The following GNG12 variants were observed in gnomAD, a reference collection of about 807,000 sequenced individuals.
The protein encoded by GNG12 is guanine nucleotide-binding protein G(I)/G(S)/G(O) subunit gamma-12.
For missense variants in GNG12, 69 were observed against 83.8 expected (o/e 0.82, Z 0.69); for synonymous variants, 28 against 29.7 (o/e 0.94, Z 0.19).
intron 3 of GNG12, among the ~76,000 whole-genome samples, chr1:67,706,656 CTTT>C (rs60300759): frequency 9.9e-4 from 140 of 141,236 alleles, no homozygotes; most frequent in Middle Eastern, 7.2e-3. Context: ...TCTTTTCTTT[CTTT>C]TTTTTTTTTT....
chr1:67,715,171 C>A (rs969296456), intron 2 of GNG12, among the ~76,000 whole-genome samples: 3 of 152,156 alleles, frequency 2.0e-5, no homozygotes, highest in Admixed American at 1.3e-4. Flanking sequence ...CCCGCCTCAC[C>A]CTCTCAAAGT....
At chr1:67,791,391 C>T (rs894483249) in intron 1 of GNG12, among the ~76,000 whole-genome samples, 4 of 152,074 alleles carry the variant, frequency 2.6e-5, no homozygotes, top group Middle Eastern at 6.3e-3. Flanking sequence ...GCTCTTTGAA[C>T]GTCAGACTTA....
chr1:67,820,163 C>T (rs902925401), intron 1 of GNG12, among the ~76,000 whole-genome samples: 9 of 151,280 alleles, frequency 5.9e-5, no homozygotes, highest in Non-Finnish European at 8.8e-5. Flanking sequence ...CCGAGGTGGG[C>T]GGATCATCTG....
At chr1:67,751,788 A>T (rs1412718764) in intron 2 of GNG12, among the ~76,000 whole-genome samples, 1 of 152,164 alleles carries the variant, frequency 6.6e-6, no homozygotes, top group African/African-American at 2.4e-5. Flanking sequence ...GATGCTCTAG[A>T]AGAGTCAAAC....
rs568128311 is a variant in GNG12 at position 67,733,460 on chromosome 1, T to C, written c.-26-25748A>G. Among the ~76,000 whole-genome samples the C allele has an allele frequency of 5.9e-5, 9 of 152,344 alleles. No individual in the cohort carries two copies. In the South Asian group the frequency reaches 1.7e-3, roughly 28 times the overall value. On this transcript the variant is annotated intron_variant, in intron 2 of 3. Transcript: ENST00000370982. Reference sequence around the variant, plus strand: ...CGTGCACGTATATGATGTGCATGCATCTTTTAAACAAATGGAATCATATTT... The same window carrying C: ...CGTGCACGTATATGATGTGCATGCACCTTTTAAACAAATGGAATCATATTT...
intron 1 of GNG12, among the ~76,000 whole-genome samples, chr1:67,823,342 T>C (rs1646994216): frequency 6.6e-6 from 1 of 152,208 alleles, no homozygotes; most frequent in African/African-American, 2.4e-5. Context: ...AGTAATACCA[T>C]TAGCTGAAAA....
chr1:67,832,609 TA>T lies in GNG12; in HGVS notation c.-77+734del, dbSNP rs34077158. Among the ~76,000 whole-genome samples the T allele has an allele frequency of 3.4e-3, 498 of 145,446 alleles. 1 individual carries two copies. Among genetic ancestry groups the T allele is most frequent in the Middle Eastern group, 3.5e-3 (1 of 288 alleles). On this transcript the variant is annotated intron_variant, in intron 1 of 3. Transcript: ENST00000370982. ...ACGGGATAACTGTCGGGGCAATAAT[TA>T]AAAAAAAAAAAATCACCCAAGACTA...
rs946668723 is a variant in GNG12 at position 67,702,717 on chromosome 1, T to C, written c.*2734A>G. On this transcript the variant is annotated 3_prime_UTR_variant, in exon 4 of 4. Transcript: ENST00000370982. ...AAAATACTTCGGAGTCATGAAATCATGCCGTGGTCCTGAGGCCTCAACTGG... is the reference window on the plus strand; with the variant it reads ...AAAATACTTCGGAGTCATGAAATCACGCCGTGGTCCTGAGGCCTCAACTGG... The C allele has an allele frequency of 2.6e-5, 4 of 152,154 alleles. No individual in the cohort carries two copies. Among genetic ancestry groups the C allele is most frequent in the African/African-American group, 9.7e-5 (4 of 41,430 alleles). The allele number at this position is 152,154 out of a possible 1,614,324, so 9.4% of individuals were successfully genotyped here. A position where few individuals can be genotyped will look rare whatever the true frequency, so the allele number is the denominator to read the frequency against.
At chr1:67,802,725 C>T (rs1406462799) in intron 1 of GNG12, among the ~76,000 whole-genome samples, 1 of 152,160 alleles carries the variant, frequency 6.6e-6, no homozygotes, top group African/African-American at 2.4e-5. Context: ...ACCCTCTGCC[C>T]CTGTCTAGAC....
At chr1:67,730,729 T>A (rs1355344361) in intron 2 of GNG12, among the ~76,000 whole-genome samples, 1 of 152,208 alleles carries the variant, frequency 6.6e-6, no homozygotes, top group Non-Finnish European at 1.5e-5. Context: ...CTTTTCTGTA[T>A]AATATTTTAC....
At chr1:67,742,413 G>T (rs1422103433) in intron 2 of GNG12, among the ~76,000 whole-genome samples, 1 of 152,038 alleles carries the variant, frequency 6.6e-6, no homozygotes, top group Non-Finnish European at 1.5e-5. Flanking sequence ...TGGCCCTAAG[G>T]ATCTGGTAAT....
At chr1:67,729,556 T>C (rs1353406352) in intron 2 of GNG12, among the ~76,000 whole-genome samples, 2 of 151,866 alleles carry the variant, frequency 1.3e-5, no homozygotes, top group Non-Finnish European at 2.9e-5. Flanking sequence ...GCATCAACCT[T>C]TCACTCAGGC....
intron 2 of GNG12, among the ~76,000 whole-genome samples, chr1:67,713,433 T>C (rs1280633350): frequency 6.6e-6 from 1 of 152,192 alleles, no homozygotes; most frequent in African/African-American, 2.4e-5. Context: ...TGATGGTCCA[T>C]TAGGGAAATA....
intron 2 of GNG12, 32 bp from the exon 3 acceptor site, chr1:67,707,744 A>T (rs1646258225): frequency 2.9e-6 from 3 of 1,051,970 alleles, no homozygotes; most frequent in Non-Finnish European, 4.3e-6. Context: ...GACAAGTAAC[A>T]GGCATCTTTA....
chr1:67,710,064 TTATATATATAGTTA>T (rs1646281144), intron 2 of GNG12, among the ~76,000 whole-genome samples: 30 of 38,938 alleles, frequency 7.7e-4, no homozygotes, highest in Non-Finnish European at 1.1e-3. Context: ...ATATATATAG[TTATATATATAGTTA>T]TATATATATA....
chr1:67,743,208 G>T (rs1646492104), intron 2 of GNG12, among the ~76,000 whole-genome samples: 1 of 152,164 alleles, frequency 6.6e-6, no homozygotes, highest in Admixed American at 6.5e-5. Flanking sequence ...AGGGGCAGCT[G>T]GGTGAGAATG....
intron 1 of GNG12, among the ~76,000 whole-genome samples, chr1:67,822,862 A>G (rs535851089): frequency 6.6e-6 from 1 of 152,244 alleles, no homozygotes; most frequent in African/African-American, 2.4e-5. Flanking sequence ...CTCTCTTTCA[A>G]TGGCATTTAG....
chr1:67,794,416 T>C (rs1257908548), intron 1 of GNG12, among the ~76,000 whole-genome samples: 1 of 152,168 alleles, frequency 6.6e-6, no homozygotes, highest in African/African-American at 2.4e-5. Flanking sequence ...CATGCCTCCT[T>C]GATTCCCAAC....
At chr1:67,831,780 T>C (rs1231067535) in intron 1 of GNG12, among the ~76,000 whole-genome samples, 2 of 152,238 alleles carry the variant, frequency 1.3e-5, no homozygotes, top group African/African-American at 2.4e-5. Flanking sequence ...ATATATAATT[T>C]GGTTAAAAAA....
Sources: gnomAD v4.1 joint callset for allele counts (sites outside exome capture counted in the v4.1 genomes callset) on GRCh38, gnomAD v4.1.1 for gene constraint, MANE v1.5 for transcripts, NCBI Gene and HGNC (gene_info 2026-07-23, HGNC 2026-07-21) for gene names.